Variants in DLGAP1 observed in about 807,000 individuals in gnomAD.
The protein encoded by DLGAP1 is DLG associated protein 1.
In DLGAP1, 11 loss-of-function variants were observed where a neutral mutation model predicts 90.8. The observed-to-expected ratio is 0.12, with a 90% CI of 0.08 to 0.20. The LOEUF is 0.20. Among genes scored for constraint, DLGAP1 ranks in the 10% least tolerant of loss-of-function variants. The pLI, the probability that DLGAP1 is intolerant of heterozygous loss-of-function variation, is 1.00. For synonymous variants in DLGAP1, 558 were observed against 540.7 expected (o/e 1.03, Z -0.44); for missense variants, 1,050 against 1,333.8 (o/e 0.79, Z 3.31).
chr18:3,952,910 G>T (rs2073017328), intron 3 of DLGAP1, among the ~76,000 whole-genome samples: 1 of 152,140 alleles, frequency 6.6e-6, no homozygotes, highest in South Asian at 2.1e-4. Flanking sequence ...GATGTCCAGG[G>T]CCATTTTTCC....
chr18:3,501,945 T>C (rs1419948522), intron 12 of DLGAP1, among the ~76,000 whole-genome samples: 3 of 123,998 alleles, frequency 2.4e-5, no homozygotes, highest in Non-Finnish European at 3.4e-5. Flanking sequence ...AGCAAAACTG[T>C]TTTGAAAAAA....
chr18:3,684,356 ATTT>A (rs71160911), intron 7 of DLGAP1, among the ~76,000 whole-genome samples: 8 of 109,238 alleles, frequency 7.3e-5, no homozygotes, highest in East Asian at 5.6e-4. Context: ...TGCCTGGCTA[ATTT>A]TTTTTTTTTT....
At position 4,454,583 on chromosome 18, in the gene DLGAP1, G is replaced by A. The variant is rs1447116778; in HGVS notation, c.-267+423C>T. ...GCCTGCCGAGAAAGCCCTGCGGGGA[G>A]CAGCCCCCTCCTCCCCTGCAAGGTG... is the stretch of plus-strand genomic sequence containing the variant. On this transcript the variant is annotated intron_variant, in intron 1 of 12. Transcript: ENST00000315677. The surrounding 1 kb of genome is among the most constrained non-coding windows in gnomAD (Gnocchi z 4.7). Among the ~76,000 whole-genome samples, 4 of 152,158 alleles carry A rather than the reference G, an allele frequency of 2.6e-5. No individual in the cohort carries two copies. Among genetic ancestry groups the A allele is most frequent in the Admixed American group, 6.5e-5 (1 of 15,290 alleles).
At chr18:3,674,318 T>TATATATATA (rs2060216347) in intron 7 of DLGAP1, among the ~76,000 whole-genome samples, 1 of 145,886 alleles carries the variant, frequency 6.9e-6, no homozygotes, top group African/African-American at 2.6e-5. Flanking sequence ...TATATGTATA[T>TATATATATA]TTTAAAAAAT....
intron 4 of DLGAP1, among the ~76,000 whole-genome samples, chr18:3,855,009 T>C (rs1047790209): frequency 7.9e-5 from 12 of 152,190 alleles, no homozygotes; most frequent in Admixed American, 3.3e-4. Flanking sequence ...GAAGGCAATA[T>C]TCACAATAGC....
chr18:3,637,416 T>C (rs899477712), intron 7 of DLGAP1, among the ~76,000 whole-genome samples: 3 of 151,966 alleles, frequency 2.0e-5, no homozygotes, highest in African/African-American at 7.3e-5. Context: ...CACTTTCCTA[T>C]ATCTACGATT....
At chr18:3,511,793 T>C (rs1037212297) in intron 10 of DLGAP1, among the ~76,000 whole-genome samples, 2 of 152,218 alleles carry the variant, frequency 1.3e-5, no homozygotes, top group African/African-American at 4.8e-5. Flanking sequence ...AGATAAAATA[T>C]ATGTTCTCCA....
chr18:4,348,072 A>G (rs919155051), intron 1 of DLGAP1, among the ~76,000 whole-genome samples: 2 of 152,142 alleles, frequency 1.3e-5, no homozygotes, highest in Non-Finnish European at 2.9e-5. Flanking sequence ...AACTAAGCTA[A>G]ATAACTTTTA....
intron 7 of DLGAP1, among the ~76,000 whole-genome samples, chr18:3,600,865 G>T (rs866837735): frequency 0.028 from 450 of 16,258 alleles, 13 homozygotes; most frequent in East Asian, 0.076. Context: ...GATATATATA[G>T]ATATATAGAT....
At chr18:3,923,894 C>T (rs2072322470) in intron 3 of DLGAP1, among the ~76,000 whole-genome samples, 2 of 152,186 alleles carry the variant, frequency 1.3e-5, no homozygotes, top group African/African-American at 2.4e-5. Flanking sequence ...AGAGACAAAA[C>T]CAGTATCTTA....
chr18:3,515,692 T>C (rs2050800761), intron 10 of DLGAP1, among the ~76,000 whole-genome samples: 1 of 145,230 alleles, frequency 6.9e-6, no homozygotes, highest in Non-Finnish European at 1.5e-5. Flanking sequence ...GTTGGGAGGA[T>C]CACCTGAGCC....
intron 2 of DLGAP1, among the ~76,000 whole-genome samples, chr18:4,031,828 T>C (rs1445880394): frequency 6.6e-6 from 1 of 152,206 alleles, no homozygotes. Flanking sequence ...AAATAGTGCT[T>C]CAATTAAAAT....
intron 2 of DLGAP1, among the ~76,000 whole-genome samples, chr18:4,074,234 T>C (rs994048515): frequency 6.6e-6 from 1 of 152,154 alleles, no homozygotes; most frequent in Non-Finnish European, 1.5e-5. Context: ...CATGTCTTTG[T>C]GCATCAGTAA....
At chr18:4,189,646 C>T (rs2144721584) in intron 1 of DLGAP1, among the ~76,000 whole-genome samples, 1 of 152,148 alleles carries the variant, frequency 6.6e-6, no homozygotes, top group South Asian at 2.1e-4. Flanking sequence ...ACAAAAGAAC[C>T]AGAACGGTCA....
At chr18:3,787,016 C>T (rs1256841082) in intron 5 of DLGAP1, among the ~76,000 whole-genome samples, 2 of 149,200 alleles carry the variant, frequency 1.3e-5, no homozygotes, top group African/African-American at 2.5e-5. Context: ...AATCTTGAAA[C>T]CCATCATGGG....
intron 1 of DLGAP1, among the ~76,000 whole-genome samples, chr18:4,203,131 T>A (rs1235130543): frequency 6.6e-6 from 1 of 151,938 alleles, no homozygotes; most frequent in Non-Finnish European, 1.5e-5. Flanking sequence ...AAAAATTAGC[T>A]GGGCGTGGTG....
intron 3 of DLGAP1, among the ~76,000 whole-genome samples, chr18:3,924,715 T>C (rs1407338532): frequency 6.6e-6 from 1 of 152,188 alleles, no homozygotes; most frequent in South Asian, 2.1e-4. Flanking sequence ...AATTATAATA[T>C]AGTTACTTTT....
At chr18:4,339,054 G>A (rs1206320668) in intron 1 of DLGAP1, among the ~76,000 whole-genome samples, 3 of 152,254 alleles carry the variant, frequency 2.0e-5, no homozygotes, top group East Asian at 1.9e-4. Context: ...GAATATGTAC[G>A]CGGAAGGTTA....
At chr18:4,055,248 C>T (rs1598315489) in intron 2 of DLGAP1, among the ~76,000 whole-genome samples, 1 of 152,154 alleles carries the variant, frequency 6.6e-6, no homozygotes, top group East Asian at 1.9e-4. Flanking sequence ...AGACTGGGGA[C>T]TCTGTGGGCT....
Sources: gnomAD v4.1 joint callset for allele counts (sites outside exome capture counted in the v4.1 genomes callset) on GRCh38, gnomAD v4.1.1 for gene constraint, Gnocchi (gnomAD v3.1) non-coding constraint, MANE v1.5 for transcripts, NCBI Gene and HGNC (gene_info 2026-07-23, HGNC 2026-07-21) for gene names.